DTX4: variants seen among roughly 807,000 people sequenced by gnomAD.
DTX4 encodes the protein E3 ubiquitin-protein ligase DTX4.
DTX4 carries 28 observed loss-of-function variants against 57.6 expected under a neutral mutation model. That is an observed-to-expected ratio of 0.49 (90% CI 0.36 to 0.67). The LOEUF (loss-of-function observed/expected upper bound fraction) is 0.67. Among genes scored for constraint, DTX4 ranks in the 30% least tolerant of loss-of-function variants. DTX4 has a pLI of 0.00. For missense variants in DTX4, 715 were observed against 836.8 expected (o/e 0.85, Z 1.80); for synonymous variants, 316 against 331.0 (o/e 0.95, Z 0.49).
chr11:59,172,939 G>C, intron 1 of DTX4, 133 bp downstream of exon 1: 1 of 604,078 alleles, frequency 1.7e-6, no homozygotes. Flanking sequence ...AGAGGTGGTG[G>C]TGGGAGGCGA....
rs1390477203 is a variant in DTX4, at chr11:59,192,012, G to T, written c.1222-86G>T. 2.7e-6 allele frequency: 4 copies of T among 1,476,680 alleles called. No homozygotes were observed. In the African/African-American group the frequency reaches 5.6e-5, roughly 21 times the overall value. The allele number at this position is 1,476,680 out of a possible 1,614,324, so 91.5% of individuals were successfully genotyped here. On this transcript the variant is annotated intron_variant, in intron 5 of 8. Coordinates refer to ENST00000227451, the MANE Select transcript of DTX4 (RefSeq NM_015177.2). ...GTGTTTTAGAAGAGAAGTGGTAAGA[G>T]CTCATCTGACCTCTGAGATCATGTG...
At chr11:59,173,477 C>T (rs904210006) in intron 1 of DTX4, among the ~76,000 whole-genome samples, 2 of 152,178 alleles carry the variant, frequency 1.3e-5, no homozygotes, top group African/African-American at 2.4e-5. Flanking sequence ...ACTACATGCG[C>T]GGAAGCAACA....
intron 1 of DTX4, among the ~76,000 whole-genome samples, chr11:59,177,837 G>T (rs923354262): frequency 1.3e-5 from 2 of 152,128 alleles, no homozygotes; most frequent in African/African-American, 4.8e-5. Context: ...ACCTTGAAAT[G>T]CTTTCCAAAC....
intron 7 of DTX4, among the ~76,000 whole-genome samples, chr11:59,197,567 T>C (rs949336386): frequency 4.6e-5 from 7 of 152,134 alleles, no homozygotes; most frequent in African/African-American, 1.7e-4. Context: ...ATATGGACCA[T>C]TGTGTGAATG....
At chr11:59,202,904 T>C (rs1220093251) in intron 8 of DTX4, among the ~76,000 whole-genome samples, 2 of 152,252 alleles carry the variant, frequency 1.3e-5, no homozygotes, top group African/African-American at 4.8e-5. Flanking sequence ...CAATATGGTA[T>C]AGCCTATTGC....
Position 59,181,936 on chromosome 11 carries a change from T to G in DTX4, c.409T>G (p.Phe137Val). ...TSIGFSYVID[F>V]NTMGQINRQT... ...CATTGGCTTTAGCTACGTAATTGACTTCAACACCATGGGCCAGATCAACCG... is the reference window on the plus strand; with the variant it reads ...CATTGGCTTTAGCTACGTAATTGACGTCAACACCATGGGCCAGATCAACCG... The change falls in exon 2 of 9, where the codon TTC (phenylalanine) becomes GTC (valine). Residue 137 changes from phenylalanine (F) to valine (V), a missense_variant. Coordinates refer to ENST00000227451, the MANE Select transcript of DTX4 (RefSeq NM_015177.2). The G allele has an allele frequency of 1.2e-6, 2 of 1,613,898 alleles. No homozygotes were observed. The highest frequency in any genetic ancestry group is 1.7e-6 in the Non-Finnish European group (2 of 1,179,832).
At chr11:59,197,627 G>C (rs182488996) in intron 7 of DTX4, among the ~76,000 whole-genome samples, 2 of 152,188 alleles carry the variant, frequency 1.3e-5, no homozygotes, top group South Asian at 4.1e-4. Context: ...GGGATGGCCA[G>C]AGGAAAGAAG....
intron 6 of DTX4, among the ~76,000 whole-genome samples, chr11:59,194,592 C>G (rs972342183): frequency 6.6e-6 from 1 of 152,158 alleles, no homozygotes; most frequent in Admixed American, 6.6e-5. Flanking sequence ...CCCAACAACC[C>G]GATGAGACAG....
At chr11:59,202,293 A>C (rs541625547) in intron 8 of DTX4, among the ~76,000 whole-genome samples, 34 of 152,240 alleles carry the variant, frequency 2.2e-4, no homozygotes, top group Non-Finnish European at 3.8e-4. Context: ...AAGCCAGACC[A>C]GCCTGGGTTC....
rs1485266122 is a variant in DTX4, at chr11:59,179,913, CACACACAG to C, written c.212-1818_212-1811del. Among the ~76,000 whole-genome samples, 207 of 151,712 alleles carry C rather than the reference CACACACAG, an allele frequency of 1.4e-3. 2 individuals carry two copies. In the South Asian group the frequency reaches 0.038, roughly 28 times the overall value. ...CACCCCCTACCACCCTACACACATA[CACACACAG>C]ACACACACACACACACACACCCTCA... On this transcript the variant is annotated intron_variant, in intron 1 of 8. Coordinates refer to ENST00000227451, the MANE Select transcript of DTX4 (RefSeq NM_015177.2).
At chr11:59,196,432 G>A (rs1862671110) in intron 7 of DTX4, among the ~76,000 whole-genome samples, 1 of 152,278 alleles carries the variant, frequency 6.6e-6, no homozygotes, top group African/African-American at 2.4e-5. Flanking sequence ...CCAGTCAGGG[G>A]AAGATAAATG....
chr11:59,192,292 G>A (rs761417674), intron 6 of DTX4, 42 bp downstream of exon 6: 1 of 1,611,058 alleles, frequency 6.2e-7, no homozygotes, highest in Non-Finnish European at 8.5e-7. Flanking sequence ...CTTCACACTG[G>A]GCTCTGGAGT....
intron 8 of DTX4, among the ~76,000 whole-genome samples, chr11:59,202,263 T>A (rs566299921): frequency 1.3e-5 from 2 of 152,296 alleles, no homozygotes; most frequent in South Asian, 4.1e-4. Context: ...GATTGAAGTA[T>A]AATTAGAGGA....
chr11:59,207,560 C>G lies in DTX4; in HGVS notation c.*2651C>G, dbSNP rs997859242. 1 of 152,700 alleles carries G rather than the reference C, an allele frequency of 6.5e-6. No homozygotes were observed. Among genetic ancestry groups the G allele is most frequent in the South Asian group, 2.1e-4 (1 of 4,830 alleles). 9.5% of individuals were successfully genotyped at this position (152,700 alleles called of 1,614,324 possible). A position where few individuals can be genotyped will look rare whatever the true frequency, so the allele number is the denominator to read the frequency against. On this transcript the variant is annotated 3_prime_UTR_variant, in exon 9 of 9. Transcript: ENST00000227451. ...TCCTCTGCCCTTTGTCTTGTGCCAA[C>G]CTGGAAAGGTGCAGTCTAGATTTCA...
intron 1 of DTX4, among the ~76,000 whole-genome samples, chr11:59,175,484 G>A (rs1862384826): frequency 6.6e-6 from 1 of 152,090 alleles, no homozygotes; most frequent in Non-Finnish European, 1.5e-5. Context: ...TGTTTGCCCT[G>A]GGCCCTTCTC....
chr11:59,200,635 G>C (rs193030643), intron 8 of DTX4, among the ~76,000 whole-genome samples: 1 of 152,310 alleles, frequency 6.6e-6, no homozygotes, highest in Admixed American at 6.5e-5. Flanking sequence ...TTTCCCAAAA[G>C]GGCAGAGAAA....
intron 2 of DTX4, among the ~76,000 whole-genome samples, chr11:59,183,997 C>T (rs1862497335): frequency 6.6e-6 from 1 of 152,242 alleles, no homozygotes; most frequent in Non-Finnish European, 1.5e-5. Context: ...TTTTGGCCTC[C>T]TGATCCACTG....
chr11:59,174,500 G>GAAA (rs1565214592), intron 1 of DTX4, among the ~76,000 whole-genome samples: 2 of 55,754 alleles, frequency 3.6e-5, no homozygotes, highest in Admixed American at 3.8e-4. Context: ...TTCCAGTCCT[G>GAAA]GAAAAAAAAA....
Position 59,206,524 on chromosome 11 carries a change from T to TATATGC in DTX4, c.*1619_*1620insGCATAT, listed in dbSNP as rs889737478. The TATATGC allele has an allele frequency of 1.3e-5, 2 of 150,104 alleles. No individual in the cohort carries two copies. Among genetic ancestry groups the TATATGC allele is most frequent in the Non-Finnish European group, 3.0e-5 (2 of 67,616 alleles). The allele number at this position is 150,104 out of a possible 1,614,324, so 9.3% of individuals were successfully genotyped here. On this transcript the variant is annotated 3_prime_UTR_variant, in exon 9 of 9. Coordinates refer to ENST00000227451, the MANE Select transcript of DTX4 (RefSeq NM_015177.2). ...GGGGTTTGACGTATATATATATATATATATATGCATATATATTTCATAATA... is the reference window on the plus strand; with the variant it reads ...GGGGTTTGACGTATATATATATATATATATGCATATATGCATATATATTTCATAATA...
Sources: allele counts gnomAD v4.1 joint callset (sites outside exome capture counted in the v4.1 genomes callset), GRCh38; gene constraint gnomAD v4.1.1; transcripts MANE v1.5; gene names NCBI Gene and HGNC (gene_info 2026-07-23, HGNC 2026-07-21).